Variants in CSMD3 observed in about 807,000 individuals in gnomAD.
CSMD3 encodes CUB and sushi domain-containing protein 3.
A neutral mutation model predicts 435.2 loss-of-function variants in CSMD3; 177 were observed. That is an observed-to-expected ratio of 0.41 (90% CI 0.36 to 0.46). CSMD3 has a LOEUF of 0.46. CSMD3 is among the 20% of genes least tolerant of loss of function. The probability of loss-of-function intolerance (pLI) is 0.34; values close to 1 mark genes in which losing one functional copy is unlikely to be tolerated. For synonymous variants in CSMD3, 1,656 were observed against 1,520.5 expected (o/e 1.09, Z -2.07); for missense variants, 4,265 against 4,504.6 (o/e 0.95, Z 1.52).
intron 1 of CSMD3, among the ~76,000 whole-genome samples, chr8:113,416,386 C>A (rs1193205617): frequency 6.6e-6 from 1 of 152,082 alleles, no homozygotes; most frequent in East Asian, 1.9e-4. Context: ...GCAGTTTTCA[C>A]TAGGTAGTCT....
intron 32 of CSMD3, among the ~76,000 whole-genome samples, chr8:112,447,465 T>C (rs1406115113): frequency 6.6e-6 from 1 of 152,200 alleles, no homozygotes; most frequent in East Asian, 1.9e-4. Context: ...AAGATCACTG[T>C]AGTTCCTGAA....
intron 5 of CSMD3, among the ~76,000 whole-genome samples, chr8:113,086,838 G>A (rs2089801800): frequency 6.6e-6 from 1 of 152,060 alleles, no homozygotes; most frequent in South Asian, 2.1e-4. Flanking sequence ...TTAAATCAGT[G>A]TCCTATTGAG....
intron 36 of CSMD3, among the ~76,000 whole-genome samples, chr8:112,390,418 C>G (rs1021164759): frequency 2.6e-5 from 4 of 152,264 alleles, no homozygotes; most frequent in South Asian, 4.2e-4. Context: ...TGTTTAAAAT[C>G]TGCTTACCTC....
chr8:112,439,292 C>A (rs1021538146), intron 32 of CSMD3, among the ~76,000 whole-genome samples: 2 of 152,076 alleles, frequency 1.3e-5, no homozygotes, highest in African/African-American at 2.4e-5. Flanking sequence ...AGGTGCCCAC[C>A]ACCATGCCTG....
chr8:112,239,924 TA>T (rs2130034594), intron 66 of CSMD3, among the ~76,000 whole-genome samples: 1 of 152,176 alleles, frequency 6.6e-6, no homozygotes, highest in East Asian at 1.9e-4. Context: ...GTTACAGTCT[TA>T]ATATTCTCTT....
chr8:112,290,338 A>G (rs1438565295), intron 56 of CSMD3, among the ~76,000 whole-genome samples: 10 of 151,996 alleles, frequency 6.6e-5, no homozygotes, highest in Admixed American at 5.3e-4. Context: ...AGGGAGAGCT[A>G]TAGGAAATGA....
At chr8:112,597,089 G>T (rs1045368503) in intron 22 of CSMD3, among the ~76,000 whole-genome samples, 17 of 151,976 alleles carry the variant, frequency 1.1e-4, no homozygotes, top group Non-Finnish European at 1.9e-4. Flanking sequence ...CTGGTTTTTT[G>T]AAAGGATCAA....
At chr8:112,952,830 T>G (rs910913132) in intron 8 of CSMD3, among the ~76,000 whole-genome samples, 1 of 151,588 alleles carries the variant, frequency 6.6e-6, no homozygotes, top group African/African-American at 2.4e-5. Context: ...TTTTTGCCTA[T>G]TTTAAAGCAA....
At chr8:112,972,009 A>C (rs1046061461) in intron 7 of CSMD3, among the ~76,000 whole-genome samples, 1 of 152,036 alleles carries the variant, frequency 6.6e-6, no homozygotes, top group African/African-American at 2.4e-5. Context: ...TTGTTATTTA[A>C]ATAAAAGTTA....
At chr8:112,802,528 T>C (rs1051825575) in intron 12 of CSMD3, among the ~76,000 whole-genome samples, 11 of 152,116 alleles carry the variant, frequency 7.2e-5, no homozygotes, top group Admixed American at 3.3e-4. Flanking sequence ...TTTTGCAATC[T>C]CCTTAGCAGA....
At chr8:112,936,396 T>C (rs903556524) in intron 9 of CSMD3, among the ~76,000 whole-genome samples, 2 of 152,124 alleles carry the variant, frequency 1.3e-5, no homozygotes, top group Admixed American at 1.3e-4. Flanking sequence ...ATAATAAGGA[T>C]ATTTTCTTTC....
chr8:113,362,516 G>T (rs1311095953), intron 1 of CSMD3, among the ~76,000 whole-genome samples: 1 of 152,116 alleles, frequency 6.6e-6, no homozygotes. Flanking sequence ...GTGCCCTGTA[G>T]GTAACAAGAC....
rs1010314301 is a variant in CSMD3 at position 112,279,303 on chromosome 8, G to A, written c.9508+1871C>T. On this transcript the variant is annotated intron_variant, in intron 59 of 70. Coordinates refer to ENST00000297405, the MANE Select transcript of CSMD3 (RefSeq NM_198123.2). ...GTTATATGAGGAGATACCACTGAAT[G>A]TACAAGGTATATCCTGTACTTTAGA... Among the ~76,000 whole-genome samples the A allele has an allele frequency of 2.0e-5, 3 of 152,138 alleles. No individual in the cohort carries two copies. In the South Asian group the frequency reaches 6.2e-4, roughly 32 times the overall value.
chr8:112,618,118 T>A (rs1044677679), intron 22 of CSMD3, among the ~76,000 whole-genome samples: 1 of 152,076 alleles, frequency 6.6e-6, no homozygotes, highest in African/African-American at 2.4e-5. Context: ...CAGGTTAAAA[T>A]AAAATCACCT....
chr8:112,918,181 A>G (rs1180499988), intron 10 of CSMD3, among the ~76,000 whole-genome samples: 3 of 151,936 alleles, frequency 2.0e-5, no homozygotes, highest in Non-Finnish European at 4.4e-5. Context: ...ACTCATGTTC[A>G]TAAGTGTTGA....
rs145740998 is a variant in CSMD3, at chr8:112,225,326, T to C, written c.10965-396A>G. Among the ~76,000 whole-genome samples the C allele has an allele frequency of 7.2e-5, 11 of 152,268 alleles. No homozygotes were observed. The East Asian group carries it at 1.7e-3, about 24-fold the overall frequency. The stretch of plus-strand genomic sequence containing the variant: ...CTGAACATCTATTATGCGCCAGTCA[T>C]GATTCTAGGCATTGGGTATATCATT... On this transcript the variant is annotated intron_variant, in intron 70 of 70. Coordinates refer to ENST00000297405, the MANE Select transcript of CSMD3 (RefSeq NM_198123.2).
At chr8:112,854,822 G>A (rs1176417167) in intron 11 of CSMD3, among the ~76,000 whole-genome samples, 1 of 152,022 alleles carries the variant, frequency 6.6e-6, no homozygotes, top group Non-Finnish European at 1.5e-5. Context: ...CTTCACCTGA[G>A]GCAATTACCT....
intron 1 of CSMD3, among the ~76,000 whole-genome samples, chr8:113,354,937 C>T (rs2094212003): frequency 6.6e-6 from 1 of 152,150 alleles, no homozygotes; most frequent in African/African-American, 2.4e-5. Context: ...CCACGCCCAA[C>T]CAACAGAGAC....
intron 4 of CSMD3, among the ~76,000 whole-genome samples, chr8:113,168,078 G>GA (rs748195732): frequency 4.7e-4 from 71 of 152,190 alleles, no homozygotes; most frequent in Non-Finnish European, 6.9e-4. Context: ...TAGTGCATTT[G>GA]AGTCCTTTCT....
Sources: allele counts gnomAD v4.1 joint callset (sites outside exome capture counted in the v4.1 genomes callset), GRCh38; gene constraint gnomAD v4.1.1; transcripts MANE v1.5; gene names NCBI Gene and HGNC (gene_info 2026-07-23, HGNC 2026-07-21).